The following RABGAP1L variants were observed in gnomAD, a reference collection of about 807,000 sequenced individuals.
RABGAP1L encodes the protein RAB GTPase activating protein 1 like, also known as rab GTPase-activating protein 1-like.
A neutral mutation model predicts 137.7 loss-of-function variants in RABGAP1L; 63 were observed. The ratio of observed to expected loss-of-function variants is 0.46; its 90% CI spans 0.37 to 0.56. The LOEUF is 0.56. Among genes scored for constraint, RABGAP1L ranks in the 20% least tolerant of loss-of-function variants. The probability of loss-of-function intolerance (pLI) is 0.00; values close to 1 mark genes in which losing one functional copy is unlikely to be tolerated. For synonymous variants in RABGAP1L, 431 were observed against 433.7 expected, an observed-to-expected ratio of 0.99 and a Z score of 0.08; for missense variants, 1,095 against 1,244.0, an observed-to-expected ratio of 0.88 and a Z score of 1.80.
At chr1:174,507,898 G>C (rs1661977600) in intron 13 of RABGAP1L, among the ~76,000 whole-genome samples, 1 of 152,004 alleles carries the variant, frequency 6.6e-6, no homozygotes, top group South Asian at 2.1e-4. Flanking sequence ...TAAAAACCAT[G>C]GTTTATTTCG....
intron 18 of RABGAP1L, among the ~76,000 whole-genome samples, chr1:174,753,551 AT>A (rs1010399374): frequency 3.3e-5 from 5 of 152,170 alleles, no homozygotes; most frequent in African/African-American, 1.2e-4. Flanking sequence ...GTGTTTATAT[AT>A]TTTTTATGCC....
At chr1:174,190,772 C>T (rs1332130680) in intron 1 of RABGAP1L, among the ~76,000 whole-genome samples, 2 of 152,234 alleles carry the variant, frequency 1.3e-5, no homozygotes, top group Non-Finnish European at 2.9e-5. Context: ...TGGCCTGTCT[C>T]CGCATTCAAC....
chr1:174,543,679 C>A (rs970492327), intron 13 of RABGAP1L, among the ~76,000 whole-genome samples: 1 of 152,176 alleles, frequency 6.6e-6, no homozygotes, highest in African/African-American at 2.4e-5. Flanking sequence ...GATGCAGTTT[C>A]TTCCTAGCCT....
chr1:174,555,295 T>G (rs1666800140), intron 13 of RABGAP1L, among the ~76,000 whole-genome samples: 1 of 152,212 alleles, frequency 6.6e-6, no homozygotes, highest in Non-Finnish European at 1.5e-5. Flanking sequence ...TACTCTTGAG[T>G]AATAACAACA....
intron 18 of RABGAP1L, among the ~76,000 whole-genome samples, chr1:174,765,026 A>G (rs950196427): frequency 6.6e-6 from 1 of 152,072 alleles, no homozygotes; most frequent in Non-Finnish European, 1.5e-5. Context: ...CAGGTAAACT[A>G]CTGTCAATCT....
chr1:174,525,648 T>G (rs566386010), intron 13 of RABGAP1L, among the ~76,000 whole-genome samples: 2 of 152,208 alleles, frequency 1.3e-5, no homozygotes, highest in Non-Finnish European at 2.9e-5. Context: ...CTTGACTGAT[T>G]GCTGTGGCTG....
At chr1:174,394,233 T>A (rs1647539847) in intron 13 of RABGAP1L, 88 bp downstream of exon 13, 2 of 1,452,872 alleles carry the variant, frequency 1.4e-6, no homozygotes, top group Non-Finnish European at 1.9e-6. Flanking sequence ...TCATAAATGC[T>A]TTGAACTTCT....
intron 13 of RABGAP1L, chr1:174,547,954 G>C (rs1225921879): frequency 6.5e-7 from 1 of 1,550,264 alleles, no homozygotes; most frequent in Admixed American, 2.0e-5. Context: ...TAGACTTGAT[G>C]TTCTGATTAC....
At chr1:174,934,711 A>G (rs1464016484) in intron 19 of RABGAP1L, among the ~76,000 whole-genome samples, 1 of 152,118 alleles carries the variant, frequency 6.6e-6, no homozygotes, top group East Asian at 1.9e-4. Context: ...GAATGGCTTG[A>G]GCCCAGGAGG....
chr1:174,492,306 G>A (rs564406123), intron 13 of RABGAP1L, among the ~76,000 whole-genome samples: 2 of 146,700 alleles, frequency 1.4e-5, no homozygotes, highest in East Asian at 4.0e-4. Flanking sequence ...TCAACCTCCC[G>A]AGTAGCTGGG....
chr1:174,291,714 T>C (rs1193278740), intron 10 of RABGAP1L, among the ~76,000 whole-genome samples: 1 of 152,118 alleles, frequency 6.6e-6, no homozygotes, highest in Non-Finnish European at 1.5e-5. Flanking sequence ...AATGTTTCAA[T>C]TTTATTTGGT....
At chr1:174,265,961 T>A (rs990386046) in intron 7 of RABGAP1L, among the ~76,000 whole-genome samples, 10 of 152,156 alleles carry the variant, frequency 6.6e-5, no homozygotes, top group Non-Finnish European at 1.0e-4. Context: ...AGATAGATAG[T>A]TAGTTACATA....
chr1:174,546,758 C>T (rs1343145748), intron 13 of RABGAP1L, among the ~76,000 whole-genome samples: 6 of 152,076 alleles, frequency 3.9e-5, no homozygotes, highest in Non-Finnish European at 8.8e-5. Flanking sequence ...TGGCCGGGCG[C>T]GGTGGCTCAC....
At chr1:174,816,838 T>C (rs1690473662) in intron 19 of RABGAP1L, among the ~76,000 whole-genome samples, 1 of 151,918 alleles carries the variant, frequency 6.6e-6, no homozygotes, top group Non-Finnish European at 1.5e-5. Context: ...TTCAAGCAGT[T>C]CCCCTGCCCA....
intron 1 of RABGAP1L, among the ~76,000 whole-genome samples, chr1:174,207,439 A>T (rs1437011073): frequency 6.6e-6 from 1 of 152,208 alleles, no homozygotes; most frequent in Admixed American, 6.5e-5. Context: ...ACACTGCTGC[A>T]TAATAGTAGA....
chr1:174,723,995 C>T (rs1049976793), intron 17 of RABGAP1L, among the ~76,000 whole-genome samples: 1 of 152,182 alleles, frequency 6.6e-6, no homozygotes, highest in Admixed American at 6.5e-5. Context: ...AAAAATTGAA[C>T]ATTAAGAATA....
intron 19 of RABGAP1L, among the ~76,000 whole-genome samples, chr1:174,869,495 C>A (rs1651839341): frequency 6.6e-6 from 1 of 152,128 alleles, no homozygotes; most frequent in Non-Finnish European, 1.5e-5. Flanking sequence ...TGTAAGTTTC[C>A]CAAGGCCTCT....
Position 174,777,535 on chromosome 1 carries a change from C to T in RABGAP1L, c.2211+25181C>T, listed in dbSNP as rs147990987. 2.5e-4 allele frequency among the ~76,000 whole-genome samples: 38 copies of T among 152,316 alleles called. 1 individual carries two copies. The East Asian group carries it at 7.0e-3, about 28-fold the overall frequency. The stretch of plus-strand genomic sequence containing the variant: ...ATTGCTTTATAGTTGCCTAGGATCT[C>T]ATCGTCATCTGCATGATCAAAGCAG... On this transcript the variant is annotated intron_variant, in intron 18 of 25. Transcript: ENST00000681986.
At position 174,991,431 on chromosome 1, in the gene RABGAP1L, G is replaced by A. The variant is rs1292750055; in HGVS notation, c.*1430G>A. 1 of 152,070 alleles carries A rather than the reference G, an allele frequency of 6.6e-6. No homozygotes were observed. Among genetic ancestry groups the A allele is most frequent in the Non-Finnish European group, 1.5e-5 (1 of 67,996 alleles). 9.4% of individuals were successfully genotyped at this position (152,070 alleles called of 1,614,324 possible). ...ATGATTCTCATCTGTGCCATATTTT[G>A]CAATTAAAAGTAACACACCCTTAGA... On this transcript the variant is annotated 3_prime_UTR_variant, in exon 26 of 26. Coordinates refer to ENST00000681986, the MANE Select transcript of RABGAP1L (RefSeq NM_001366446.1).
Sources: allele counts gnomAD v4.1 joint callset (sites outside exome capture counted in the v4.1 genomes callset), GRCh38; gene constraint gnomAD v4.1.1; transcripts MANE v1.5; gene names NCBI Gene and HGNC (gene_info 2026-07-23, HGNC 2026-07-21).